Variants in PCDH15 observed in about 807,000 individuals in gnomAD.
PCDH15 encodes protocadherin related 15.
In PCDH15, 129 loss-of-function variants were observed where a neutral mutation model predicts 178.5. The ratio of observed to expected loss-of-function variants is 0.72; its 90% CI spans 0.63 to 0.84. PCDH15 has a LOEUF of 0.84. Ranked by LOEUF, PCDH15 falls within the 40% of genes least tolerant of loss-of-function variation. PCDH15 has a pLI of 0.00. For synonymous variants in PCDH15, 800 were observed against 732.0 expected, an observed-to-expected ratio of 1.09 and a Z score of -1.50; for missense variants, 2,230 against 2,099.9, an observed-to-expected ratio of 1.06 and a Z score of -1.21.
chr10:53,939,623 ATTT>A (rs2085876753), intron 24 of PCDH15, among the ~76,000 whole-genome samples: 1 of 151,916 alleles, frequency 6.6e-6, no homozygotes, highest in Non-Finnish European at 1.5e-5. Flanking sequence ...TTGTTTAATA[ATTT>A]TTATTATTAA....
At chr10:55,328,931 T>TAA (rs1291484793) in intron 2 of PCDH15, among the ~76,000 whole-genome samples, 1 of 133,830 alleles carries the variant, frequency 7.5e-6, no homozygotes, top group Non-Finnish European at 1.6e-5. Flanking sequence ...TATATATATA[T>TAA]ATATATATAT....
rs1223236888 is a variant in PCDH15 at position 55,262,403 on chromosome 10, C to T, written c.-156+57196G>A. ...TGCATTTCCTAAGACCACCCTGGCCCACCATGCTTTCATCCTGTGCTTATA... is the reference window on the plus strand; with the variant it reads ...TGCATTTCCTAAGACCACCCTGGCCTACCATGCTTTCATCCTGTGCTTATA... On this transcript the variant is annotated intron_variant, in intron 1 of 5. Transcript: ENST00000458638. 5.9e-5 allele frequency among the ~76,000 whole-genome samples: 9 copies of T among 152,140 alleles called. 1 individual carries two copies. The highest frequency in any genetic ancestry group is 5.9e-4 in the Admixed American group (9 of 15,282).
intron 3 of PCDH15, among the ~76,000 whole-genome samples, chr10:54,841,333 A>T (rs930352757): frequency 6.6e-6 from 1 of 151,900 alleles, no homozygotes; most frequent in Non-Finnish European, 1.5e-5. Flanking sequence ...AAAAGAAGAA[A>T]TAAAGAGAGA....
intron 2 of PCDH15, among the ~76,000 whole-genome samples, chr10:55,006,911 C>T (rs1839941624): frequency 6.6e-6 from 1 of 151,832 alleles, no homozygotes; most frequent in Non-Finnish European, 1.5e-5. Flanking sequence ...GTAGGTGGGG[C>T]CTGGTGGGAG....
intron 1 of PCDH15, among the ~76,000 whole-genome samples, chr10:55,235,074 G>C (rs1454136208): frequency 7.5e-6 from 1 of 133,868 alleles, no homozygotes; most frequent in Non-Finnish European, 1.6e-5. Flanking sequence ...CCAGTTTTAA[G>C]TCGGAAAGAA....
Position 55,463,897 on chromosome 10 carries a change from GAGAGAAAGAAAGAAAGAA to G in PCDH15, c.-156+163710_-156+163727del, listed in dbSNP as rs1839737576. ...AGAGAGAGAGAAAGAGAGGGAGAGAGAGAGAAAGAAAGAAAGAAAGAAAGAAAGAAAGAAAGAAAGAAA... is the reference window on the plus strand; with the variant it reads ...AGAGAGAGAGAAAGAGAGGGAGAGAGAGAAAGAAAGAAAGAAAGAAAGAAA... On this transcript the variant is annotated intron_variant, in intron 2 of 5. Transcript: ENST00000613346. Among the ~76,000 whole-genome samples the G allele has an allele frequency of 4.0e-5, 5 of 123,738 alleles. 1 individual carries two copies. Among genetic ancestry groups the G allele is most frequent in the South Asian group, 2.6e-4 (1 of 3,790 alleles). The allele number at this position is 123,738 out of a possible 152,430, so 81.2% of individuals were successfully genotyped here. A position where few individuals can be genotyped will look rare whatever the true frequency, so the allele number is the denominator to read the frequency against.
intron 2 of PCDH15, among the ~76,000 whole-genome samples, chr10:55,339,295 A>ACAC (rs1189361540): frequency 6.6e-5 from 10 of 151,774 alleles, no homozygotes; most frequent in Non-Finnish European, 1.5e-4. Context: ...ACAATTAACA[A>ACAC]CAACAACAAC....
chr10:54,894,297 A>G (rs1326703316), intron 3 of PCDH15, among the ~76,000 whole-genome samples: 1 of 152,174 alleles, frequency 6.6e-6, no homozygotes, highest in East Asian at 1.9e-4. Context: ...TAGAGTATAC[A>G]TGATGAGGGT....
chr10:54,221,600 C>A (rs1056905108), intron 9 of PCDH15, among the ~76,000 whole-genome samples: 8 of 143,100 alleles, frequency 5.6e-5, no homozygotes, highest in Admixed American at 4.2e-4. Flanking sequence ...AGTATGTATT[C>A]TTTTTTTTTT....
chr10:55,335,450 G>C (rs1381950147), intron 2 of PCDH15, among the ~76,000 whole-genome samples: 1 of 152,120 alleles, frequency 6.6e-6, no homozygotes, highest in African/African-American at 2.4e-5. Context: ...TAAAAAACAA[G>C]AAAATCATGT....
At chr10:55,400,757 C>T (rs1229352733) in intron 2 of PCDH15, among the ~76,000 whole-genome samples, 2 of 152,056 alleles carry the variant, frequency 1.3e-5, no homozygotes, top group Non-Finnish European at 2.9e-5. Context: ...AGAAGCCTGT[C>T]TTTCATTTAG....
At chr10:53,928,322 A>C in intron 25 of PCDH15, among the ~76,000 whole-genome samples, 1 of 152,036 alleles carries the variant, frequency 6.6e-6, no homozygotes, top group East Asian at 1.9e-4. Flanking sequence ...TGGGAAAATA[A>C]ATATTTTACT....
chr10:55,131,879 A>C (rs544535928), intron 2 of PCDH15, among the ~76,000 whole-genome samples: 18 of 152,160 alleles, frequency 1.2e-4, no homozygotes, highest in Non-Finnish European at 2.1e-4. Flanking sequence ...TGCAGAACTG[A>C]CAGCCTGGTC....
chr10:54,031,306 T>G (rs2093287528), intron 18 of PCDH15, among the ~76,000 whole-genome samples: 1 of 152,052 alleles, frequency 6.6e-6, no homozygotes, highest in African/African-American at 2.4e-5. Context: ...GCTTCAGTTC[T>G]ACTTCATCTG....
At chr10:53,973,618 G>T (rs766855331) in intron 21 of PCDH15, among the ~76,000 whole-genome samples, 1 of 151,916 alleles carries the variant, frequency 6.6e-6, no homozygotes, top group African/African-American at 2.4e-5. Context: ...TTTTGGTTCC[G>T]TACTCTCATC....
intron 1 of PCDH15, among the ~76,000 whole-genome samples, chr10:54,705,786 G>A (rs2095359508): frequency 1.3e-5 from 2 of 152,080 alleles, no homozygotes; most frequent in South Asian, 4.1e-4. Context: ...AGGTGGCATG[G>A]ATTCACATTT....
chr10:54,437,239 T>C (rs2075482344), intron 3 of PCDH15, among the ~76,000 whole-genome samples: 1 of 152,180 alleles, frequency 6.6e-6, no homozygotes, highest in Non-Finnish European at 1.5e-5. Flanking sequence ...CCTGCAGAGT[T>C]GCTAGACACA....
intron 27 of PCDH15, among the ~76,000 whole-genome samples, chr10:53,862,086 T>C (rs1357153551): frequency 6.6e-6 from 1 of 152,100 alleles, no homozygotes; most frequent in Non-Finnish European, 1.5e-5. Context: ...GTTTTGCTCT[T>C]GTTGCCCAGG....
intron 2 of PCDH15, among the ~76,000 whole-genome samples, chr10:55,071,267 C>A (rs965827326): frequency 3.5e-5 from 5 of 144,682 alleles, no homozygotes; most frequent in Admixed American, 1.4e-4. Flanking sequence ...TTAAATGTAA[C>A]TGGACTAAAT....
Sources: gnomAD v4.1 joint callset for allele counts (sites outside exome capture counted in the v4.1 genomes callset) on GRCh38, gnomAD v4.1.1 for gene constraint, MANE v1.5 for transcripts, NCBI Gene and HGNC (gene_info 2026-07-23, HGNC 2026-07-21) for gene names.